Variants in DSCAM observed in about 807,000 individuals in gnomAD.
DSCAM encodes the protein DS cell adhesion molecule, also known as cell adhesion molecule DSCAM.
A neutral mutation model predicts 217.7 loss-of-function variants in DSCAM; 47 were observed. That is an observed-to-expected ratio of 0.22 (90% CI 0.17 to 0.28). The LOEUF (loss-of-function observed/expected upper bound fraction) is 0.28. Among genes scored for constraint, DSCAM ranks in the 10% least tolerant of loss-of-function variants. The pLI is 1.00. For synonymous variants in DSCAM, 1,056 were observed against 1,015.3 expected (o/e 1.04, Z -0.76); for missense variants, 2,080 against 2,618.3 (o/e 0.79, Z 4.49).
At chr21:40,763,513 T>C (rs2091357146) in intron 1 of DSCAM, among the ~76,000 whole-genome samples, 2 of 152,172 alleles carry the variant, frequency 1.3e-5, no homozygotes. Flanking sequence ...AAAATGGCAA[T>C]ACTGCCCAAA....
At chr21:40,449,580 T>C (rs1481227617) in intron 3 of DSCAM, among the ~76,000 whole-genome samples, 2 of 152,240 alleles carry the variant, frequency 1.3e-5, no homozygotes, top group Admixed American at 6.5e-5. Context: ...CTATGATGTA[T>C]TGTCTAATGC....
At chr21:40,822,817 G>A (rs1433557082) in intron 1 of DSCAM, among the ~76,000 whole-genome samples, 2 of 152,008 alleles carry the variant, frequency 1.3e-5, no homozygotes, top group Non-Finnish European at 2.9e-5. Flanking sequence ...TTTTCAATAA[G>A]TACAAAAGCA....
intron 5 of DSCAM, among the ~76,000 whole-genome samples, chr21:40,351,659 G>A (rs1397926352): frequency 6.6e-6 from 1 of 152,200 alleles, no homozygotes; most frequent in African/African-American, 2.4e-5. Flanking sequence ...GCAGTTAGAA[G>A]AAGCAGTCAG....
chr21:40,380,412 A>G (rs1475436762), intron 3 of DSCAM, among the ~76,000 whole-genome samples: 1 of 152,244 alleles, frequency 6.6e-6, no homozygotes, highest in African/African-American at 2.4e-5. Flanking sequence ...TATTTATACG[A>G]TGAACAAGAT....
Position 40,440,017 on chromosome 21 carries a change from C to G in DSCAM, c.509-70772G>C, listed in dbSNP as rs550612848. 3.3e-5 allele frequency among the ~76,000 whole-genome samples: 5 copies of G among 152,026 alleles called. No individual in the cohort carries two copies. The South Asian group carries it at 1.0e-3, about 32-fold the overall frequency. Reference sequence around the variant, plus strand: ...GTCCAAATCAGGGAGGATCAATGTCCTCAACAATTTACAGTATTTACAAAA... The same window carrying G: ...GTCCAAATCAGGGAGGATCAATGTCGTCAACAATTTACAGTATTTACAAAA... On this transcript the variant is annotated intron_variant, in intron 3 of 32. Coordinates refer to ENST00000400454, the MANE Select transcript of DSCAM (RefSeq NM_001389.5).
chr21:40,550,874 A>C (rs902436500), intron 3 of DSCAM, among the ~76,000 whole-genome samples: 1 of 152,202 alleles, frequency 6.6e-6, no homozygotes, highest in Non-Finnish European at 1.5e-5. Flanking sequence ...GGCTGCTTAC[A>C]GGCTTATTTG....
intron 1 of DSCAM, among the ~76,000 whole-genome samples, chr21:40,820,335 T>G (rs908257992): frequency 6.6e-6 from 1 of 152,164 alleles, no homozygotes; most frequent in East Asian, 1.9e-4. Flanking sequence ...CTGGAAGCCA[T>G]CACTCTCAGC....
intron 1 of DSCAM, among the ~76,000 whole-genome samples, chr21:40,750,328 C>T (rs2091215572): frequency 6.6e-6 from 1 of 152,192 alleles, no homozygotes; most frequent in Non-Finnish European, 1.5e-5. Flanking sequence ...CACCAGTGGC[C>T]TGTGTTTTGC....
At chr21:40,128,700 A>C (rs1186126237) in intron 19 of DSCAM, among the ~76,000 whole-genome samples, 8 of 61,112 alleles carry the variant, frequency 1.3e-4, no homozygotes, top group Non-Finnish European at 2.1e-4. Context: ...ATAACCAAAC[A>C]AAAAAAAAAA....
chr21:40,305,917 C>T (rs111799038), intron 9 of DSCAM, among the ~76,000 whole-genome samples: 3,587 of 152,126 alleles, frequency 0.024, 154 homozygotes, highest in African/African-American at 0.08. Context: ...ATTGACTTGG[C>T]GACGCGGGCT....
chr21:40,488,704 G>A (rs917101865), intron 3 of DSCAM, among the ~76,000 whole-genome samples: 11 of 152,148 alleles, frequency 7.2e-5, no homozygotes, highest in African/African-American at 2.4e-4. Flanking sequence ...CTCGAACAGT[G>A]AAAAGAAAAA....
chr21:40,382,281 C>T (rs1169660856), intron 3 of DSCAM, among the ~76,000 whole-genome samples: 5 of 152,132 alleles, frequency 3.3e-5, no homozygotes, highest in African/African-American at 7.2e-5. Flanking sequence ...ACCTAGCAGC[C>T]GCCTTGGTCC....
At chr21:40,787,793 G>A (rs926871466) in intron 1 of DSCAM, among the ~76,000 whole-genome samples, 2 of 150,360 alleles carry the variant, frequency 1.3e-5, no homozygotes, top group Non-Finnish European at 2.9e-5. Context: ...ATAAGGATCA[G>A]AATTCGAGGT....
intron 1 of DSCAM, among the ~76,000 whole-genome samples, chr21:40,815,706 A>G (rs897258154): frequency 3.3e-5 from 5 of 152,146 alleles, no homozygotes; most frequent in African/African-American, 1.2e-4. Context: ...GGTAGACAGG[A>G]TGGGAGATAT....
chr21:40,239,994 G>A (rs940447237), intron 11 of DSCAM, among the ~76,000 whole-genome samples: 2 of 152,090 alleles, frequency 1.3e-5, no homozygotes, highest in Non-Finnish European at 2.9e-5. Flanking sequence ...ACTGCACATC[G>A]CCTCTACCAT....
chr21:40,410,958 A>G (rs1157826080), intron 3 of DSCAM, among the ~76,000 whole-genome samples: 1 of 152,158 alleles, frequency 6.6e-6, no homozygotes, highest in Non-Finnish European at 1.5e-5. Context: ...GTTAAATGTA[A>G]CACCTTTTAT....
At chr21:40,496,791 T>C (rs561866181) in intron 3 of DSCAM, among the ~76,000 whole-genome samples, 60 of 151,930 alleles carry the variant, frequency 3.9e-4, no homozygotes, top group Non-Finnish European at 7.2e-4. Context: ...AACAGCTCAA[T>C]AGCAAAGAAA....
intron 11 of DSCAM, among the ~76,000 whole-genome samples, chr21:40,275,105 A>G (rs1446463593): frequency 6.6e-6 from 1 of 152,046 alleles, no homozygotes; most frequent in Non-Finnish European, 1.5e-5. Context: ...GGGGAGGATC[A>G]CTTGAGGGAA....
Position 40,276,196 on chromosome 21 carries a change from T to C in DSCAM, c.2257A>G (p.Ile753Val). 1 of 1,613,382 alleles carries C rather than the reference T, an allele frequency of 6.2e-7. No homozygotes were observed. The highest frequency in any genetic ancestry group is 8.5e-7 in the Non-Finnish European group (1 of 1,179,626). ...CTGTCTTCCTCCACGACATGCTTGA[T>C]CAGCAACGACCCATTGCTGAGAACT... ...IQVLSNGSLL[I>V]KHVVEEDSGY... Residue 753 changes from isoleucine to valine, a missense_variant, in exon 11 of 33, where the codon ATC becomes GTC. Around this residue, in one of 5 missense-constraint regions of DSCAM, gnomAD observed 218 missense variants for 364.1 expected, o/e 0.60. Coordinates refer to ENST00000400454, the MANE Select transcript of DSCAM (RefSeq NM_001389.5).
Sources: gnomAD v4.1 joint callset for allele counts (sites outside exome capture counted in the v4.1 genomes callset) on GRCh38, gnomAD v4.1.1 for gene constraint, gnomAD v4.1.1 regional missense constraint, MANE v1.5 for transcripts, NCBI Gene and HGNC (gene_info 2026-07-23, HGNC 2026-07-21) for gene names.